The following CDH2 variants were observed in gnomAD, a reference collection of about 807,000 sequenced individuals.
CDH2 encodes cadherin-2.
A neutral mutation model predicts 92.0 loss-of-function variants in CDH2; 17 were observed. The ratio of observed to expected loss-of-function variants is 0.18; its 90% CI spans 0.13 to 0.28. The LOEUF (loss-of-function observed/expected upper bound fraction) is 0.28, where lower values mean the gene tolerates loss of function less well. Ranked by LOEUF, CDH2 falls within the 10% of genes least tolerant of loss-of-function variation. The probability of loss-of-function intolerance (pLI) is 1.00; values close to 1 mark genes in which losing one functional copy is unlikely to be tolerated. For synonymous variants in CDH2, 419 were observed against 415.9 expected (o/e 1.01, Z -0.09); for missense variants, 862 against 1,133.1 (o/e 0.76, Z 3.44).
intron 15 of CDH2, among the ~76,000 whole-genome samples, chr18:27,960,019 AACACACACACACAC>A (rs5823570): frequency 2.7e-5 from 4 of 149,612 alleles, no homozygotes; most frequent in South Asian, 4.2e-4. Context: ...TGTCTCTTAA[AACACACACACACAC>A]ACACACACAC....
chr18:28,141,429 A>G (rs572861844), intron 2 of CDH2, among the ~76,000 whole-genome samples: 14 of 152,100 alleles, frequency 9.2e-5, no homozygotes, highest in African/African-American at 3.4e-4. Context: ...TTAGAACTAG[A>G]TAGAGGTATG....
At chr18:28,000,387 C>CCA (rs2144001555) in intron 7 of CDH2, among the ~76,000 whole-genome samples, 1 of 152,316 alleles carries the variant, frequency 6.6e-6, no homozygotes, top group African/African-American at 2.4e-5. Flanking sequence ...CAGGTATGAG[C>CCA]CACCGTGCCT....
In CDH2 at chr18:28,139,428, G is replaced by A. The variant is rs563057202; in HGVS notation, c.172+8245C>T. On this transcript the variant is annotated intron_variant, in intron 2 of 15. Transcript: ENST00000269141. ...AATTTCTTCTTTTTCTTTTAATGAA[G>A]AACTCAATCTGTATCCAAACTGAGT... Among the ~76,000 whole-genome samples the A allele has an allele frequency of 2.6e-4, 40 of 152,008 alleles. 1 individual carries two copies. Among genetic ancestry groups the A allele is most frequent in the Non-Finnish European group, 3.1e-4 (21 of 67,930 alleles).
In CDH2 at chr18:27,985,208, C is replaced by A; in HGVS notation, c.2001G>T (p.Lys667Asn). The change falls in exon 13 of 16, where the codon AAG becomes AAT. Residue 667 changes from lysine (K) to asparagine (N), a missense_variant. Physicochemically the swap from Lys to Asn is moderately conservative, Grantham distance 94. Transcript: ENST00000269141. ...LNGDFAQLNL[K>N]IKFLEAGIYE... The stretch of plus-strand genomic sequence containing the variant: ...AGATACCAGCTTCAAGAAATTTTAT[C>A]TTTAAATTAAGCTGAGCAAAATCAC... 1 of 1,610,514 alleles carries A rather than the reference C, an allele frequency of 6.2e-7. No homozygotes were observed. Among genetic ancestry groups the A allele is most frequent in the South Asian group, 1.1e-5 (1 of 90,944 alleles).
chr18:27,962,903 C>G (rs770248353), intron 15 of CDH2, among the ~76,000 whole-genome samples: 1 of 152,146 alleles, frequency 6.6e-6, no homozygotes. Flanking sequence ...TCCAACTAAT[C>G]TCTTTTGATG....
intron 2 of CDH2, among the ~76,000 whole-genome samples, chr18:28,109,920 G>A (rs987653587): frequency 1.3e-5 from 2 of 152,140 alleles, no homozygotes; most frequent in African/African-American, 4.8e-5. Context: ...GTTAACAAAG[G>A]CTATTCCTTT....
intron 2 of CDH2, among the ~76,000 whole-genome samples, chr18:28,047,546 G>C (rs1357150861): frequency 3.3e-5 from 5 of 152,078 alleles, no homozygotes; most frequent in African/African-American, 9.7e-5. Flanking sequence ...TAAGATTTGA[G>C]ACTGACATAA....
intron 15 of CDH2, among the ~76,000 whole-genome samples, chr18:27,955,345 ATC>A (rs1485223771): frequency 1.3e-5 from 2 of 149,574 alleles, no homozygotes; most frequent in Non-Finnish European, 3.0e-5. Flanking sequence ...CCGCACATGT[ATC>A]TCAGAATTTA....
At chr18:28,048,900 A>C (rs978438881) in intron 2 of CDH2, among the ~76,000 whole-genome samples, 14 of 152,092 alleles carry the variant, frequency 9.2e-5, no homozygotes, top group African/African-American at 2.4e-5. Flanking sequence ...GCATGAAAAA[A>C]GAAAAGAAAA....
chr18:28,162,505 C>T (rs775115662), intron 1 of CDH2, among the ~76,000 whole-genome samples: 1 of 152,150 alleles, frequency 6.6e-6, no homozygotes, highest in Non-Finnish European at 1.5e-5. Flanking sequence ...TGGCCAGCGG[C>T]AGAAACTGCC....
chr18:27,958,858 C>T (rs1210597708), intron 15 of CDH2, among the ~76,000 whole-genome samples: 1 of 152,128 alleles, frequency 6.6e-6, no homozygotes, highest in Non-Finnish European at 1.5e-5. Flanking sequence ...GCTTTTCTCC[C>T]TTTGCTCAGT....
At chr18:28,049,921 C>T (rs968312034) in intron 2 of CDH2, among the ~76,000 whole-genome samples, 1 of 152,166 alleles carries the variant, frequency 6.6e-6, no homozygotes, top group Non-Finnish European at 1.5e-5. Context: ...CTTGCTTTGG[C>T]CACTGGGATG....
chr18:28,026,246 A>C (rs2013550278), intron 2 of CDH2, among the ~76,000 whole-genome samples: 1 of 152,148 alleles, frequency 6.6e-6, no homozygotes, highest in Non-Finnish European at 1.5e-5. Context: ...AAACTAAGGC[A>C]CTGATTTGCC....
chr18:28,050,938 G>GA (rs1473178841), intron 2 of CDH2, among the ~76,000 whole-genome samples: 1 of 152,048 alleles, frequency 6.6e-6, no homozygotes, highest in African/African-American at 2.4e-5. Context: ...CTATACAAAG[G>GA]AAAAATCAGA....
intron 13 of CDH2, 85 bp downstream of exon 13, chr18:27,984,912 ACTT>A (rs2012174710): frequency 1.0e-6 from 1 of 965,524 alleles, no homozygotes; most frequent in East Asian, 2.5e-5. Flanking sequence ...TTGTTAGACT[ACTT>A]TGCCAGGCAA....
chr18:28,094,878 A>C (rs1403215530), intron 2 of CDH2, among the ~76,000 whole-genome samples: 1 of 134,540 alleles, frequency 7.4e-6, no homozygotes, highest in Non-Finnish European at 1.6e-5. Flanking sequence ...TTTTTAAAAA[A>C]TGAAAGCAAG....
chr18:28,036,580 C>T (rs781315063), intron 2 of CDH2: 1 of 1,508,440 alleles, frequency 6.6e-7, no homozygotes, highest in South Asian at 1.1e-5. Context: ...ATAATTCCTT[C>T]TGCTTAGTGA....
At chr18:28,119,574 A>T (rs1242703152) in intron 2 of CDH2, among the ~76,000 whole-genome samples, 1 of 152,152 alleles carries the variant, frequency 6.6e-6, no homozygotes, top group Non-Finnish European at 1.5e-5. Context: ...TATTGAGTGG[A>T]CATTCTACAA....
At chr18:28,118,784 T>C (rs1353517385) in intron 2 of CDH2, among the ~76,000 whole-genome samples, 2 of 152,080 alleles carry the variant, frequency 1.3e-5, no homozygotes, top group Non-Finnish European at 2.9e-5. Context: ...TTTATTAAGA[T>C]TGTTCATTCT....
Sources: gnomAD v4.1 joint callset for allele counts (sites outside exome capture counted in the v4.1 genomes callset) on GRCh38, gnomAD v4.1.1 for gene constraint, MANE v1.5 for transcripts, NCBI Gene and HGNC (gene_info 2026-07-23, HGNC 2026-07-21) for gene names.